Variants in PAX5 observed in about 807,000 individuals in gnomAD.
PAX5 encodes paired box protein Pax-5.
In PAX5, 9 loss-of-function variants were observed where a neutral mutation model predicts 43.7. That is an observed-to-expected ratio of 0.21 (90% CI 0.12 to 0.36). The LOEUF is 0.36. PAX5 is among the 10% of genes least tolerant of loss of function. The pLI is 1.00. For synonymous variants in PAX5, 228 were observed against 214.3 expected, an observed-to-expected ratio of 1.06 and a Z score of -0.56; for missense variants, 383 against 532.7, an observed-to-expected ratio of 0.72 and a Z score of 2.77.
At chr9:37,011,128 C>CAAAAAAAAA (rs1225031293) in intron 3 of PAX5, among the ~76,000 whole-genome samples, 6 of 100,952 alleles carry the variant, frequency 5.9e-5, no homozygotes, top group East Asian at 5.6e-4. Flanking sequence ...CTCAAAAAAA[C>CAAAAAAAAA]AAAAAAAAAA....
intron 8 of PAX5, among the ~76,000 whole-genome samples, chr9:36,871,489 C>A (rs957521305): frequency 1.3e-5 from 2 of 152,352 alleles, no homozygotes; most frequent in South Asian, 4.1e-4. Flanking sequence ...GACCCTGCAT[C>A]AGCCACCCAA....
At chr9:36,888,015 CA>C (rs1228548626) in intron 7 of PAX5, among the ~76,000 whole-genome samples, 1 of 152,166 alleles carries the variant, frequency 6.6e-6, no homozygotes, top group Non-Finnish European at 1.5e-5. Flanking sequence ...CTAACAAGCA[CA>C]TGAAAAGATG....
chr9:36,923,194 A>C, intron 7 of PAX5, 161 bp downstream of exon 7: 1 of 759,046 alleles, frequency 1.3e-6, no homozygotes, highest in Non-Finnish European at 2.1e-6. Context: ...TCACAGCTGC[A>C]ACCCTGGCCC....
chr9:37,023,416 A>G (rs1017423230), intron 1 of PAX5, among the ~76,000 whole-genome samples: 1 of 152,116 alleles, frequency 6.6e-6, no homozygotes, highest in East Asian at 1.9e-4. Flanking sequence ...TTAGGTGAGG[A>G]CTCATCCCGT....
chr9:36,944,169 A>G (rs1278963406), intron 6 of PAX5, among the ~76,000 whole-genome samples: 18 of 152,118 alleles, frequency 1.2e-4, no homozygotes, highest in Non-Finnish European at 2.9e-5. Flanking sequence ...GGGTGACAAA[A>G]AGAGACGCTG....
At chr9:36,863,246 T>C (rs1401930582) in intron 8 of PAX5, among the ~76,000 whole-genome samples, 1 of 152,224 alleles carries the variant, frequency 6.6e-6, no homozygotes, top group Non-Finnish European at 1.5e-5. Flanking sequence ...GGGTTCTTTT[T>C]TTCAATCTGT....
chr9:36,909,809 T>C (rs1829107519), intron 7 of PAX5, among the ~76,000 whole-genome samples: 1 of 119,658 alleles, frequency 8.4e-6, no homozygotes, highest in Non-Finnish European at 1.7e-5. Flanking sequence ...AAGCTAGACA[T>C]TTTAATTTTT....
In PAX5 at chr9:36,839,407, C is replaced by A. The variant is rs535047182; in HGVS notation, c.*1153G>T. 1.3e-5 allele frequency: 3 copies of A among 233,656 alleles called. No homozygotes were observed. Among genetic ancestry groups the A allele is most frequent in the African/African-American group, 2.2e-5 (1 of 45,380 alleles). 14.5% of individuals were successfully genotyped at this position (233,656 alleles called of 1,614,324 possible). A position where few individuals can be genotyped will look rare whatever the true frequency, so the allele number is the denominator to read the frequency against. ...ATGCCCAGCTGCCTGCTAAGCTCCA[C>A]GAGGACGGGGAGGGTCTGCCCCGAG... is the stretch of plus-strand genomic sequence containing the variant. On this transcript the variant is annotated 3_prime_UTR_variant, in exon 10 of 10. Coordinates refer to ENST00000358127, the MANE Select transcript of PAX5 (RefSeq NM_016734.3).
intron 7 of PAX5, among the ~76,000 whole-genome samples, chr9:36,922,284 G>T (rs1290515895): frequency 6.6e-6 from 1 of 152,142 alleles, no homozygotes; most frequent in Non-Finnish European, 1.5e-5. Flanking sequence ...TACGAGTCCC[G>T]TGTCACTGTC....
chr9:36,883,566 G>A (rs550502072), intron 7 of PAX5, among the ~76,000 whole-genome samples: 1 of 152,278 alleles, frequency 6.6e-6, no homozygotes, highest in Non-Finnish European at 1.5e-5. Context: ...AGCTACTCGG[G>A]AGGCTGAGGC....
intron 8 of PAX5, among the ~76,000 whole-genome samples, chr9:36,865,000 C>A (rs1374940742): frequency 2.0e-5 from 3 of 152,218 alleles, no homozygotes; most frequent in Non-Finnish European, 4.4e-5. Context: ...GCGGCCTTCC[C>A]GCCCGCGAAG....
intron 5 of PAX5, among the ~76,000 whole-genome samples, chr9:36,983,671 A>G (rs1179478046): frequency 6.6e-6 from 1 of 152,086 alleles, no homozygotes; most frequent in African/African-American, 2.4e-5. Context: ...ATGGGGTTTC[A>G]CCATGTTGCC....
intron 3 of PAX5, among the ~76,000 whole-genome samples, chr9:37,011,778 C>T (rs753391161): frequency 5.9e-5 from 9 of 152,174 alleles, no homozygotes; most frequent in East Asian, 1.9e-4. Flanking sequence ...GGAGATGCCC[C>T]TGTGGCTATA....
intron 3 of PAX5, among the ~76,000 whole-genome samples, chr9:37,014,281 G>A (rs1414486043): frequency 2.6e-5 from 4 of 152,222 alleles, no homozygotes; most frequent in Non-Finnish European, 5.9e-5. Context: ...GGAAGATCCT[G>A]TGCATGACTC....
chr9:36,946,740 T>C (rs1588050007), intron 6 of PAX5, among the ~76,000 whole-genome samples: 1 of 152,202 alleles, frequency 6.6e-6, no homozygotes, highest in Non-Finnish European at 1.5e-5. Flanking sequence ...TTGAGTTACT[T>C]GAAATCCACT....
chr9:36,842,782 G>A (rs1258328474), intron 9 of PAX5, among the ~76,000 whole-genome samples: 5 of 152,250 alleles, frequency 3.3e-5, no homozygotes, highest in East Asian at 1.9e-4. Context: ...TGCCGGGACC[G>A]CAGCCCCCTT....
intron 5 of PAX5, among the ~76,000 whole-genome samples, chr9:36,999,041 T>C (rs1241375620): frequency 6.6e-6 from 1 of 152,224 alleles, no homozygotes; most frequent in Non-Finnish European, 1.5e-5. Context: ...TGTTATCTTT[T>C]TACCTGAAAC....
intron 7 of PAX5, among the ~76,000 whole-genome samples, chr9:36,910,643 A>G (rs1191904311): frequency 6.6e-6 from 1 of 152,206 alleles, no homozygotes; most frequent in African/African-American, 2.4e-5. Flanking sequence ...TGGACTTTGT[A>G]GATACCTCAG....
intron 2 of PAX5, among the ~76,000 whole-genome samples, chr9:37,016,943 G>A (rs1839437680): frequency 6.6e-6 from 1 of 152,134 alleles, no homozygotes; most frequent in African/African-American, 2.4e-5. Context: ...AAAAGAGTGA[G>A]TCATTTACAA....
Sources: allele counts gnomAD v4.1 joint callset (sites outside exome capture counted in the v4.1 genomes callset), GRCh38; gene constraint gnomAD v4.1.1; transcripts MANE v1.5; gene names NCBI Gene and HGNC (gene_info 2026-07-23, HGNC 2026-07-21).